Variants in FLCN observed in about 807,000 individuals in gnomAD.
The protein encoded by FLCN is folliculin, also known as BHD skin lesion fibrofolliculoma protein.
FLCN carries 22 observed loss-of-function variants against 62.5 expected under a neutral mutation model. The observed-to-expected ratio is 0.35, with a 90% CI of 0.25 to 0.50. FLCN has a LOEUF of 0.50. Ranked by LOEUF, FLCN falls within the 20% of genes least tolerant of loss-of-function variation. The pLI is 0.97. For synonymous variants in FLCN, 319 were observed against 310.0 expected (o/e 1.03, Z -0.30); for missense variants, 657 against 778.0 (o/e 0.84, Z 1.85).
Position 17,222,488 on chromosome 17 carries a change from A to T in FLCN, c.779+13T>A, listed in dbSNP as rs764161632. On this transcript the variant is annotated intron_variant, in intron 7 of 13. Coordinates refer to ENST00000285071, the MANE Select transcript of FLCN (RefSeq NM_144997.7). ...ATCCTAACAGATATGCCAAAAGCAG[A>T]GACGCCCGTTACCAGGCAAAGGAGG... is the stretch of plus-strand genomic sequence containing the variant. The T allele has an allele frequency of 6.2e-7, 1 of 1,614,202 alleles. No homozygotes were observed. Among genetic ancestry groups the T allele is most frequent in the Admixed American group, 1.7e-5 (1 of 60,026 alleles).
At chr17:17,228,542 C>T (rs763224453) in intron 3 of FLCN, 1 of 269,564 alleles carries the variant, frequency 3.7e-6, no homozygotes, top group Non-Finnish European at 7.3e-6. Context: ...GAGGGTCCTC[C>T]ACCCAATACA....
At position 17,212,895 on chromosome 17, in the gene FLCN, G is replaced by A. The variant is rs1361921451; in HGVS notation, c.*760C>T. 2 of 232,222 alleles carry A rather than the reference G, an allele frequency of 8.6e-6. No individual in the cohort carries two copies. Among genetic ancestry groups the A allele is most frequent in the East Asian group, 6.1e-5 (1 of 16,420 alleles). 14.4% of individuals were successfully genotyped at this position (232,222 alleles called of 1,614,324 possible). ...TGAAAGCAGCAATAAAGACAAAAGC[G>A]ATACAGAATAAAAGCATGGCGGGGC... On this transcript the variant is annotated 3_prime_UTR_variant, in exon 14 of 14. Transcript: ENST00000285071.
intron 6 of FLCN, chr17:17,222,946 T>C: frequency 2.2e-6 from 1 of 462,488 alleles, no homozygotes. Flanking sequence ...TGAGTGGCCA[T>C]CTGCGCTGCT....
chr17:17,228,399 T>G, intron 3 of FLCN: 1 of 499,742 alleles, frequency 2.0e-6, no homozygotes, highest in East Asian at 3.5e-5. Context: ...GGACCAATGA[T>G]AGCACAGCTG....
chr17:17,215,866 T>C (rs558577785), intron 11 of FLCN, among the ~76,000 whole-genome samples: 2 of 152,274 alleles, frequency 1.3e-5, no homozygotes, highest in South Asian at 4.1e-4. Flanking sequence ...CCTGGGGGGC[T>C]GATCCCTGGA....
chr17:17,221,910 T>C (rs925107136), intron 7 of FLCN, among the ~76,000 whole-genome samples: 12 of 152,112 alleles, frequency 7.9e-5, no homozygotes, highest in African/African-American at 2.9e-4. Flanking sequence ...CAGTCACTTG[T>C]GAGACAAAAG....
intron 13 of FLCN, among the ~76,000 whole-genome samples, chr17:17,214,324 A>G (rs868443073): frequency 2.2e-4 from 33 of 151,414 alleles, no homozygotes; most frequent in South Asian, 1.9e-3. Context: ...GGCCAGGTGC[A>G]GTGGCTCACG....
At position 17,215,170 on chromosome 17, in the gene FLCN, C is replaced by T. The variant is rs773422171; in HGVS notation, c.1432+15G>A. On this transcript the variant is annotated intron_variant, in intron 12 of 13. Transcript: ENST00000285071. ...ATCTTCTCACAAAAAGGACACTCTG[C>T]CTGGGGGCACCCACCTCGGTCTGCA... 2.5e-6 allele frequency: 4 copies of T among 1,614,084 alleles called. No homozygotes were observed. In the East Asian group the frequency reaches 6.7e-5, roughly 27 times the overall value.
At chr17:17,230,841 T>C (rs1219848144) in intron 3 of FLCN, among the ~76,000 whole-genome samples, 2 of 151,432 alleles carry the variant, frequency 1.3e-5, no homozygotes, top group Admixed American at 1.3e-4. Flanking sequence ...TGCAGTGAGC[T>C]GAGATCGTAC....
chr17:17,233,538 G>A (rs2047483908), intron 1 of FLCN, among the ~76,000 whole-genome samples: 1 of 139,834 alleles, frequency 7.2e-6, no homozygotes, highest in African/African-American at 2.7e-5. Context: ...CGCAGAGCTT[G>A]CAGTGAGCCA....
chr17:17,218,286 TTTCTTCTAA>T (rs1311044825), intron 9 of FLCN, among the ~76,000 whole-genome samples: 1 of 152,234 alleles, frequency 6.6e-6, no homozygotes, highest in East Asian at 1.9e-4. Flanking sequence ...GCCTGCTTTA[TTTCTTCTAA>T]TTAATCATAT....
At chr17:17,234,719 T>G (rs965481237) in intron 1 of FLCN, among the ~76,000 whole-genome samples, 1 of 151,344 alleles carries the variant, frequency 6.6e-6, no homozygotes. Flanking sequence ...GGCTCATGCT[T>G]GTAATCCCAG....
chr17:17,221,350 G>A (rs371396942), intron 8 of FLCN, 187 bp downstream of exon 8: 6 of 1,586,120 alleles, frequency 3.8e-6, no homozygotes, highest in East Asian at 2.3e-5. Context: ...CAAGGCAAAC[G>A]AGACAGGAAA....
Position 17,223,894 on chromosome 17 carries a change from C to T in FLCN, c.618+28G>A, listed in dbSNP as rs769067184. ...GCTCATGCAGTGCAGGGCCCCCTGC[C>T]GCCCCGGCACCTCATCTCTGAATTC... On this transcript the variant is annotated intron_variant, in intron 6 of 13. Transcript: ENST00000285071. 1.3e-5 allele frequency: 21 copies of T among 1,611,130 alleles called. No homozygotes were observed. The highest frequency in any genetic ancestry group is 1.6e-4 in the Middle Eastern group (1 of 6,066).
intron 4 of FLCN, among the ~76,000 whole-genome samples, chr17:17,227,335 G>A (rs1025947161): frequency 6.6e-6 from 1 of 151,936 alleles, no homozygotes; most frequent in African/African-American, 2.4e-5. Flanking sequence ...TGGGAGCACG[G>A]GACTTTGGGG....
Position 17,228,054 on chromosome 17 carries a change from T to C in FLCN, c.84A>G (p.Pro28=), listed in dbSNP as rs754450145. ...TLFCTEVLHA[P]LPQGDGNEDS... ...CCTCATTCCCATCCCCTTGAGGAAG[T>C]GGGGCGTGCAGCACCTCCGTGCAGA... The change falls in exon 4 of 14, where the codon CCA becomes CCG. Residue 28 remains proline, a synonymous_variant. Coordinates refer to ENST00000285071, the MANE Select transcript of FLCN (RefSeq NM_144997.7). 6.8e-6 allele frequency: 11 copies of C among 1,613,772 alleles called. No individual in the cohort carries two copies. The South Asian group carries it at 1.2e-4, about 18-fold the overall frequency.
At chr17:17,225,937 G>T (rs762571008) in intron 5 of FLCN, 2 of 644,828 alleles carry the variant, frequency 3.1e-6, no homozygotes, top group East Asian at 5.6e-5. Flanking sequence ...ATAAAAGTTC[G>T]GTGCTTAAAG....
At chr17:17,232,215 C>T (rs917900902) in intron 2 of FLCN, among the ~76,000 whole-genome samples, 9 of 152,220 alleles carry the variant, frequency 5.9e-5, no homozygotes, top group African/African-American at 9.6e-5. Context: ...ACTCGGCCTC[C>T]ACTTGCTCCC....
intron 3 of FLCN, chr17:17,228,407 C>T (rs958816316): frequency 1.4e-5 from 7 of 493,452 alleles, no homozygotes; most frequent in Admixed American, 3.3e-5. Context: ...GATAGCACAG[C>T]TGGAGCTGTG....
Sources: gnomAD v4.1 joint callset for allele counts (sites outside exome capture counted in the v4.1 genomes callset) on GRCh38, gnomAD v4.1.1 for gene constraint, MANE v1.5 for transcripts, NCBI Gene and HGNC (gene_info 2026-07-23, HGNC 2026-07-21) for gene names.